The following MSI1 variants were observed in gnomAD, a reference collection of about 807,000 sequenced individuals.
MSI1 encodes RNA-binding protein Musashi homolog 1.
Under a neutral mutation model 54.4 loss-of-function variants are expected in MSI1, and 15 were observed. That is an observed-to-expected ratio of 0.28 (90% confidence interval 0.18 to 0.42). The LOEUF is 0.42. Among genes scored for constraint, MSI1 ranks in the 20% least tolerant of loss-of-function variants. MSI1 has a pLI of 1.00. For synonymous variants in MSI1, 200 were observed against 196.5 expected (o/e 1.02, Z -0.15); for missense variants, 304 against 506.0 (o/e 0.60, Z 3.83).
At position 120,341,664 on chromosome 12, in the gene MSI1, A is replaced by C. The variant is rs956574590; in HGVS notation, c.*1463T>G. 1 of 152,412 alleles carries C rather than the reference A, an allele frequency of 6.6e-6. No individual in the cohort carries two copies. The highest frequency in any genetic ancestry group is 2.4e-5 in the African/African-American group (1 of 41,404). The allele number at this position is 152,412 out of a possible 1,614,324, so 9.4% of individuals were successfully genotyped here. A position where few individuals can be genotyped will look rare whatever the true frequency, so the allele number is the denominator to read the frequency against. On this transcript the variant is annotated 3_prime_UTR_variant, in exon 15 of 15. Coordinates refer to ENST00000257552, the MANE Select transcript of MSI1 (RefSeq NM_002442.4). ...TATTAGGAAACATTAAAAAAAAAAA[A>C]AACCCAAAACACGAACAGCCGCGCA...
intron 7 of MSI1, among the ~76,000 whole-genome samples, 163 bp downstream of exon 7, chr12:120,358,842 A>G (rs1875378083): frequency 6.6e-6 from 1 of 152,148 alleles, no homozygotes; most frequent in African/African-American, 2.4e-5. Context: ...TTTCTAGCAC[A>G]GGAAATGGTG....
chr12:120,355,267 C>T (rs1399654758), intron 9 of MSI1, among the ~76,000 whole-genome samples: 42 of 151,488 alleles, frequency 2.8e-4, no homozygotes, highest in Admixed American at 2.6e-3. Flanking sequence ...TAGCTGGGCA[C>T]GGTGGCGGGC....
At chr12:120,366,622 A>C (rs918899321) in intron 4 of MSI1, among the ~76,000 whole-genome samples, 2 of 152,160 alleles carry the variant, frequency 1.3e-5, no homozygotes, top group Non-Finnish European at 2.9e-5. Flanking sequence ...ACAGCTGGCA[A>C]CATAAATAAA....
intron 13 of MSI1, 31 bp downstream of exon 13, chr12:120,346,104 G>A: frequency 6.7e-7 from 1 of 1,493,382 alleles, no homozygotes; most frequent in Non-Finnish European, 8.9e-7. Context: ...TGTGGGGGGT[G>A]AGGTGGGGGC....
In MSI1 at chr12:120,359,087, A is replaced by T. The variant is rs907376429; in HGVS notation, c.403-34T>A. ...CAGCCCGCCATGGAGGACCCAGCAG[A>T]TACCAGCGGAACCCACTACCACCAA... On this transcript the variant is annotated intron_variant, in intron 6 of 14. Transcript: ENST00000257552. 14 of 1,551,890 alleles carry T rather than the reference A, an allele frequency of 9.0e-6. No individual in the cohort carries two copies. In the Admixed American group the frequency reaches 2.7e-4, roughly 30 times the overall value.
At chr12:120,350,933 G>A (rs1179437) in intron 11 of MSI1, among the ~76,000 whole-genome samples, 110,891 of 152,048 alleles carry the variant, frequency 0.73, 40,680 homozygotes, top group South Asian at 0.8. Context: ...GTGAGTCTGT[G>A]TCCCCTCCCG....
At chr12:120,343,146 C>A (rs1463105270) in intron 14 of MSI1, 41 bp from the exon 15 acceptor site, 1 of 152,328 alleles carries the variant, frequency 6.6e-6, no homozygotes, top group East Asian at 1.9e-4. Flanking sequence ...TCCCGGAGCA[C>A]ACGCAGCCCT....
Position 120,365,486 on chromosome 12 carries a change from C to G in MSI1, c.268-731G>C, listed in dbSNP as rs78137915. ...TTATTCCTTCAAGTATCAGGTAAAT[C>G]GAGGGCCTTCCTTGCGTAACTGACT... On this transcript the variant is annotated intron_variant, in intron 4 of 14. Transcript: ENST00000257552. Among the ~76,000 whole-genome samples the G allele has an allele frequency of 2.1e-4, 32 of 152,280 alleles. No homozygotes were observed. The East Asian group carries it at 3.9e-3, about 18-fold the overall frequency.
At chr12:120,346,381 C>A (rs1294571109) in intron 12 of MSI1, 59 bp from the exon 13 acceptor site, 22 of 1,428,002 alleles carry the variant, frequency 1.5e-5, no homozygotes, top group Non-Finnish European at 1.9e-5. Flanking sequence ...CCCACGGCAC[C>A]CCCTCAAGCC....
intron 10 of MSI1, among the ~76,000 whole-genome samples, chr12:120,352,514 C>G (rs938696960): frequency 7.2e-5 from 11 of 151,966 alleles, no homozygotes; most frequent in Non-Finnish European, 1.5e-4. Flanking sequence ...CATTCTTCCT[C>G]TGAGCCTATG....
chr12:120,362,426 C>T (rs1465207), intron 6 of MSI1, among the ~76,000 whole-genome samples: 58,212 of 151,986 alleles, frequency 0.38, 13,426 homozygotes, highest in South Asian at 0.55. Context: ...TGTCGGATGT[C>T]GCCACAACAT....
chr12:120,343,583 G>T (rs566649840), intron 14 of MSI1, among the ~76,000 whole-genome samples: 6 of 152,190 alleles, frequency 3.9e-5, no homozygotes, highest in East Asian at 1.9e-4. Flanking sequence ...CGAATGGCTG[G>T]ATTTATTTAA....
intron 4 of MSI1, 129 bp from the exon 5 acceptor site, chr12:120,364,884 T>G (rs1592949659): frequency 1.4e-5 from 10 of 720,258 alleles, no homozygotes; most frequent in Non-Finnish European, 2.0e-5. Context: ...CAAAAGCCTC[T>G]AGGAGGAGAG....
At chr12:120,346,914 T>A (rs1874175545) in intron 12 of MSI1, among the ~76,000 whole-genome samples, 2 of 151,564 alleles carry the variant, frequency 1.3e-5, no homozygotes, top group African/African-American at 4.8e-5. Context: ...ACCACCAGGC[T>A]GCAAGCCCTG....
intron 9 of MSI1, among the ~76,000 whole-genome samples, chr12:120,353,808 C>T (rs1874844107): frequency 6.6e-6 from 1 of 152,188 alleles, no homozygotes; most frequent in Non-Finnish European, 1.5e-5. Context: ...ATGCTGGTGC[C>T]TTTGCCTGGA....
chr12:120,365,212 G>A (rs1488966644), intron 4 of MSI1, among the ~76,000 whole-genome samples: 1 of 152,134 alleles, frequency 6.6e-6, no homozygotes, highest in Non-Finnish European at 1.5e-5. Context: ...CGCCCAGCCA[G>A]TTAAGCATTT....
At chr12:120,351,809 C>T (rs1193949587) in intron 10 of MSI1, among the ~76,000 whole-genome samples, 6 of 150,476 alleles carry the variant, frequency 4.0e-5, no homozygotes, top group East Asian at 2.0e-4. Flanking sequence ...TCCGGGTTCA[C>T]GCCATTCTCC....
intron 14 of MSI1, among the ~76,000 whole-genome samples, chr12:120,343,339 G>T (rs1873849387): frequency 6.6e-6 from 1 of 152,010 alleles, no homozygotes; most frequent in South Asian, 2.1e-4. Flanking sequence ...TGAGACTCTG[G>T]GATTACAGGT....
chr12:120,344,093 T>C (rs1873915267), intron 14 of MSI1, among the ~76,000 whole-genome samples: 1 of 152,046 alleles, frequency 6.6e-6, no homozygotes, highest in Admixed American at 6.6e-5. Context: ...TGACCTCAGG[T>C]GATCCGCCTG....
Sources: allele counts gnomAD v4.1 joint callset (sites outside exome capture counted in the v4.1 genomes callset), GRCh38; gene constraint gnomAD v4.1.1; transcripts MANE v1.5; gene names NCBI Gene and HGNC (gene_info 2026-07-23, HGNC 2026-07-21).